Variants in MAP3K3 observed in about 807,000 individuals in gnomAD.
MAP3K3 encodes mitogen-activated protein kinase kinase kinase 3, also known as MAP/ERK kinase kinase 3.
Under a neutral mutation model 80.9 loss-of-function variants are expected in MAP3K3, and 12 were observed. That is an observed-to-expected ratio of 0.15 (90% CI 0.10 to 0.24). The LOEUF is 0.24. Among genes scored for constraint, MAP3K3 ranks in the 10% least tolerant of loss-of-function variants. The pLI, the probability that MAP3K3 is intolerant of heterozygous loss-of-function variation, is 1.00. For missense variants in MAP3K3, 596 were observed against 834.7 expected (o/e 0.71, Z 3.52); for synonymous variants, 272 against 307.1 (o/e 0.89, Z 1.19).
At position 63,689,491 on chromosome 17, in the gene MAP3K3, G is replaced by T. The variant is rs1252430793; in HGVS notation, c.872-53G>T. 23 of 1,524,442 alleles carry T rather than the reference G, an allele frequency of 1.5e-5. No individual in the cohort carries two copies. In the East Asian group the frequency reaches 5.4e-4, roughly 36 times the overall value. 94.4% of individuals were successfully genotyped at this position (1,524,442 alleles called of 1,614,324 possible). A position where few individuals can be genotyped will look rare whatever the true frequency, so the allele number is the denominator to read the frequency against. On this transcript the variant is annotated intron_variant, in intron 10 of 15. Coordinates refer to ENST00000361733, the MANE Select transcript of MAP3K3 (RefSeq NM_002401.5). The surrounding 1 kb of genome is among the most constrained non-coding windows in gnomAD (Gnocchi z 4.3). Reference sequence around the variant, plus strand: ...GTCTCAGACCTGGTTTGTACGTTCCGCCTCGTAGCCTGGGGTGTGACTTGC... The same window carrying T: ...GTCTCAGACCTGGTTTGTACGTTCCTCCTCGTAGCCTGGGGTGTGACTTGC...
At chr17:63,634,753 A>G in intron 2 of MAP3K3, 1 of 1,614,176 alleles carries the variant, frequency 6.2e-7, no homozygotes, top group Non-Finnish European at 8.5e-7. Flanking sequence ...ACAGCCCCAC[A>G]GTAACAACAA....
Position 63,692,061 on chromosome 17 carries a change from T to C in MAP3K3, c.1475-181T>C, listed in dbSNP as rs79352915. On this transcript the variant is annotated intron_variant, in intron 14 of 15. Coordinates refer to ENST00000361733, the MANE Select transcript of MAP3K3 (RefSeq NM_002401.5). The surrounding 1 kb of genome is among the most constrained non-coding windows in gnomAD (Gnocchi z 4.5). ...TCCCTCTACATGTGGGCCTTGGAGA[T>C]GGTCATTTTGTGCGGTAGATCTGAG... is the stretch of plus-strand genomic sequence containing the variant. Among the ~76,000 whole-genome samples the C allele has an allele frequency of 0.013, 2,013 of 152,280 alleles. 49 individuals are homozygous for C. The highest frequency in any genetic ancestry group is 0.046 in the African/African-American group (1,927 of 41,540).
chr17:63,631,712 G>T (rs2034219328), intron 1 of MAP3K3, among the ~76,000 whole-genome samples: 1 of 152,186 alleles, frequency 6.6e-6, no homozygotes. Context: ...GCTATTTCAA[G>T]AAAAGGGGAT....
rs1053386491 is a variant in MAP3K3 at position 63,691,357 on chromosome 17, G to A, written c.1344+124G>A. On this transcript the variant is annotated intron_variant, in intron 13 of 15. Coordinates refer to ENST00000361733, the MANE Select transcript of MAP3K3 (RefSeq NM_002401.5). This position sits in a 1 kb window ranked among gnomAD's most constrained non-coding sequence, Gnocchi z 4.8. ...ACACCTGAGGCTCCAGAGGCCCAGA[G>A]GAGCAAAGTGAGGTGATGGTGGGAC... is the stretch of plus-strand genomic sequence containing the variant. 10 of 1,364,252 alleles carry A rather than the reference G, an allele frequency of 7.3e-6. No individual in the cohort carries two copies. Among genetic ancestry groups the A allele is most frequent in the Non-Finnish European group, 9.1e-6 (9 of 984,128 alleles). The allele number at this position is 1,364,252 out of a possible 1,614,324, so 84.5% of individuals were successfully genotyped here.
Position 63,693,422 on chromosome 17 carries a change from A to G in MAP3K3, c.1653-127A>G, listed in dbSNP as rs1211887836. The G allele has an allele frequency of 1.4e-5, 10 of 714,190 alleles. No individual in the cohort carries two copies. Among genetic ancestry groups the G allele is most frequent in the Non-Finnish European group, 2.3e-5 (10 of 426,148 alleles). The allele number at this position is 714,190 out of a possible 1,614,324, so 44.2% of individuals were successfully genotyped here. The stretch of plus-strand genomic sequence containing the variant: ...CGTGGACAGACATCCAAGCTGAGGT[A>G]TCCCTCAGCTTGGCCTGTCCTGCAC... On this transcript the variant is annotated intron_variant, in intron 15 of 15. Coordinates refer to ENST00000361733, the MANE Select transcript of MAP3K3 (RefSeq NM_002401.5). The surrounding 1 kb of genome is among the most constrained non-coding windows in gnomAD (Gnocchi z 4.2).
intron 3 of MAP3K3, among the ~76,000 whole-genome samples, chr17:63,650,658 TAGAGAGAGAGAGAG>T (rs61412799): frequency 6.1e-4 from 71 of 117,276 alleles, no homozygotes; most frequent in Admixed American, 8.1e-4. Context: ...CTGTCTCTTA[TAGAGAGAGAGAGAG>T]AGAGAGAGAG....
rs763617586 is a variant in MAP3K3, at chr17:63,667,028, C to A, written c.470C>A (p.Pro157His). 3.7e-6 allele frequency: 6 copies of A among 1,610,716 alleles called. No individual in the cohort carries two copies. In the South Asian group the frequency reaches 4.4e-5, roughly 12 times the overall value. ...GGGGATATAAATACTATCTACCAGC[C>A]CCCCGAGCCCAGAAGCAGGCACCTC... ...SAGDINTIYQ[P>H]PEPRSRHLSV... is the part of the protein sequence containing the mutation. The change falls in exon 6 of 16, where the codon CCC (proline) becomes CAC (histidine). Residue 157 changes from proline to histidine, a missense_variant. Transcript: ENST00000361733.
intron 5 of MAP3K3, among the ~76,000 whole-genome samples, chr17:63,659,828 G>A (rs986978382): frequency 6.6e-6 from 1 of 151,954 alleles, no homozygotes; most frequent in Non-Finnish European, 1.5e-5. Flanking sequence ...GTGCCCGGCC[G>A]TACCAGTTCT....
In MAP3K3 at chr17:63,685,497, T is replaced by C; in HGVS notation, c.637-20T>C. The C allele has an allele frequency of 6.2e-7, 1 of 1,606,222 alleles. No homozygotes were observed. The highest frequency in any genetic ancestry group is 8.5e-7 in the Non-Finnish European group (1 of 1,172,936). On this transcript the variant is annotated intron_variant, in intron 7 of 15. Coordinates refer to ENST00000361733, the MANE Select transcript of MAP3K3 (RefSeq NM_002401.5). ...AATTGGGGCTGGGGGTGTGGCTTCA[T>C]TGTTTGACTTGCCTTACAGATGCTG...
intron 6 of MAP3K3, among the ~76,000 whole-genome samples, chr17:63,670,180 C>T (rs955047165): frequency 1.6e-4 from 25 of 152,082 alleles, no homozygotes; most frequent in Non-Finnish European, 2.8e-4. Context: ...AGGCCCTGTC[C>T]CTGTGGCCTT....
chr17:63,664,683 G>A (rs1397933898), intron 5 of MAP3K3, among the ~76,000 whole-genome samples: 1 of 152,060 alleles, frequency 6.6e-6, no homozygotes, highest in Non-Finnish European at 1.5e-5. Context: ...CTTTAGTGAG[G>A]TGTTCATGGA....
rs1054395177 is a variant in MAP3K3, at chr17:63,689,648, G to A, written c.976G>A (p.Val326Met). 1.9e-6 allele frequency: 3 copies of A among 1,613,948 alleles called. No individual in the cohort carries two copies. The African/African-American group carries it at 4.0e-5, about 22-fold the overall frequency. Reference protein sequence around the residue: ...STNGENMGLAVQYLDPRGRLR... With the variant: ...STNGENMGLAMQYLDPRGRLR... ...AAATGGCGAGAACATGGGTCTGGCTGTGCAATACCTGGACCCCCGTGGGCG... is the reference window on the plus strand; with the variant it reads ...AAATGGCGAGAACATGGGTCTGGCTATGCAATACCTGGACCCCCGTGGGCG... Residue 326 changes from valine to methionine, a missense_variant, in exon 11 of 16, where the codon GTG becomes ATG. This residue lies in a region of MAP3K3 where 364 missense variants were observed against 588.9 expected (regional missense o/e 0.62). Transcript: ENST00000361733. This position sits in a 1 kb window ranked among gnomAD's most constrained non-coding sequence, Gnocchi z 4.3.
At chr17:63,637,162 G>T (rs1297926114) in intron 2 of MAP3K3, 1 of 266,316 alleles carries the variant, frequency 3.8e-6, no homozygotes, top group African/African-American at 2.4e-5. Flanking sequence ...AGTGTGTGAG[G>T]CCCTGCCACT....
At chr17:63,666,523 G>C (rs1252258445) in intron 5 of MAP3K3, among the ~76,000 whole-genome samples, 1 of 152,096 alleles carries the variant, frequency 6.6e-6, no homozygotes, top group Non-Finnish European at 1.5e-5. Flanking sequence ...TTGTTGGGGA[G>C]GGAAGTTGCC....
intron 5 of MAP3K3, among the ~76,000 whole-genome samples, chr17:63,662,097 C>T (rs1166903528): frequency 6.8e-6 from 1 of 146,840 alleles, no homozygotes; most frequent in East Asian, 2.1e-4. Flanking sequence ...AGCGAGACTC[C>T]ATCTCATCTC....
At position 63,652,690 on chromosome 17, in the gene MAP3K3, G is replaced by T. The variant is rs376358910; in HGVS notation, c.267+34G>T. 122 of 1,383,798 alleles carry T rather than the reference G, an allele frequency of 8.8e-5. No homozygotes were observed. In the African/African-American group the frequency reaches 1.5e-3, roughly 18 times the overall value. The allele number at this position is 1,383,798 out of a possible 1,614,324, so 85.7% of individuals were successfully genotyped here. A position where few individuals can be genotyped will look rare whatever the true frequency, so the allele number is the denominator to read the frequency against. On this transcript the variant is annotated intron_variant, in intron 4 of 15. Coordinates refer to ENST00000361733, the MANE Select transcript of MAP3K3 (RefSeq NM_002401.5). ...GCAGATGGATGGGGCAGGGACAAGA[G>T]GGGCAGATGCCTACCTTTTTTCTCT...
Position 63,688,842 on chromosome 17 carries a change from C to T in MAP3K3, c.832C>T (p.Arg278Cys), listed in dbSNP as rs1457492910. ...KGVKGGTYPRRYHVSVHHKDY... is the reference protein window; with the variant it reads ...KGVKGGTYPRCYHVSVHHKDY... ...GGTCAAAGGTGGAACCTACCCCCGG[C>T]GCTACCACGTGTCTGTGCACCACAA... The change falls in exon 10 of 16, where the codon CGC (arginine) becomes TGC (cysteine). Residue 278 changes from arginine (R) to cysteine (C), a missense_variant. Around this residue, in one of 2 missense-constraint regions of MAP3K3, gnomAD observed 364 missense variants for 588.9 expected, o/e 0.62. Coordinates refer to ENST00000361733, the MANE Select transcript of MAP3K3 (RefSeq NM_002401.5). 1.2e-6 allele frequency: 2 copies of T among 1,613,898 alleles called. No homozygotes were observed. The highest frequency in any genetic ancestry group is 8.5e-7 in the Non-Finnish European group (1 of 1,179,918).
chr17:63,647,258 G>T (rs1201888455), intron 3 of MAP3K3, among the ~76,000 whole-genome samples: 1 of 152,214 alleles, frequency 6.6e-6, no homozygotes, highest in African/African-American at 2.4e-5. Context: ...AGGCCTGGAG[G>T]GAGGAAGGTC....
Position 63,691,305 on chromosome 17 carries a change from G to A in MAP3K3, c.1344+72G>A, listed in dbSNP as rs1366619556. On this transcript the variant is annotated intron_variant, in intron 13 of 15. Coordinates refer to ENST00000361733, the MANE Select transcript of MAP3K3 (RefSeq NM_002401.5). This position sits in a 1 kb window ranked among gnomAD's most constrained non-coding sequence, Gnocchi z 4.8. ...GACCTGGGGGCTGGGGCCTGCAGGA[G>A]GGGGGTCACCTTGGATAGGAGTTTG... The A allele has an allele frequency of 1.3e-6, 2 of 1,597,966 alleles. No individual in the cohort carries two copies. Among genetic ancestry groups the A allele is most frequent in the Non-Finnish European group, 8.6e-7 (1 of 1,169,238 alleles).
Sources: allele counts gnomAD v4.1 joint callset (sites outside exome capture counted in the v4.1 genomes callset), GRCh38; gene constraint gnomAD v4.1.1; regional missense constraint gnomAD v4.1.1; non-coding constraint Gnocchi (gnomAD v3.1); transcripts MANE v1.5; gene names NCBI Gene and HGNC (gene_info 2026-07-23, HGNC 2026-07-21).